Variants in MCM9 observed in about 807,000 individuals in gnomAD.
MCM9 encodes minichromosome maintenance 9 homologous recombination repair factor.
Under a neutral mutation model 72.8 loss-of-function variants are expected in MCM9, and 55 were observed. The observed-to-expected ratio is 0.76, with a 90% CI of 0.61 to 0.95. The LOEUF is 0.95. Ranked by LOEUF, MCM9 falls within the 40% of genes least tolerant of loss-of-function variation. The pLI is 0.00. For missense variants in MCM9, 1,279 were observed against 1,377.0 expected (o/e 0.93, Z 1.13); for synonymous variants, 480 against 503.4 (o/e 0.95, Z 0.62).
At chr6:118,878,718 A>G (rs1293707962) in intron 8 of MCM9, among the ~76,000 whole-genome samples, 3 of 152,036 alleles carry the variant, frequency 2.0e-5, no homozygotes, top group Admixed American at 6.6e-5. Context: ...AAGAAACAAG[A>G]AGGGTATTAA....
chr6:118,842,625 TC>T (rs1775453305), intron 9 of MCM9, among the ~76,000 whole-genome samples: 3 of 152,188 alleles, frequency 2.0e-5, no homozygotes, highest in Admixed American at 2.0e-4. Flanking sequence ...GCTCAAGTGA[TC>T]CTCCAGCCTC....
At chr6:118,822,961 C>G (rs1343329055) in intron 13 of MCM9, among the ~76,000 whole-genome samples, 2 of 152,130 alleles carry the variant, frequency 1.3e-5, no homozygotes, top group African/African-American at 2.4e-5. Context: ...CACTCCTCCC[C>G]CTACAAGCTC....
rs1023029943 is a variant in MCM9 at position 118,822,972 on chromosome 6, G to A, written c.1961+3175C>T. Reference sequence around the variant, plus strand: ...GGGACACTCCTCCCCCTACAAGCTCGATCATCCCAAGTCGACTTCAGAATG... The same window carrying A: ...GGGACACTCCTCCCCCTACAAGCTCAATCATCCCAAGTCGACTTCAGAATG... On this transcript the variant is annotated intron_variant, in intron 13 of 13. Transcript: ENST00000619706. Among the ~76,000 whole-genome samples the A allele has an allele frequency of 5.9e-5, 9 of 152,210 alleles. 1 individual carries two copies. The highest frequency in any genetic ancestry group is 4.1e-4 in the South Asian group (2 of 4,824).
chr6:118,894,339 CCCGAG>C (rs1562426710), intron 8 of MCM9: 8 of 1,530,898 alleles, frequency 5.2e-6, no homozygotes, highest in Non-Finnish European at 7.0e-6. Context: ...TCTGCGCTCT[CCCGAG>C]CGGCCGCGCG....
In MCM9 at chr6:118,816,106, G is replaced by A. The variant is rs951399830; in HGVS notation, c.2150C>T (p.Pro717Leu). The change falls in exon 14 of 14, where the codon CCA (proline) becomes CTA (leucine). Residue 717 changes from proline (P) to leucine (L), a missense_variant. Transcript: ENST00000619706. ...SPEGSPVLDP[P>L]PHLEPNRSTS... ...TGATCTATTAGGCTCCAGATGCGGT[G>A]GGGGATCTAGAACTGGGCTTCCCTC... 4 of 1,550,280 alleles carry A rather than the reference G, an allele frequency of 2.6e-6. No individual in the cohort carries two copies. In the Admixed American group the frequency reaches 7.8e-5, roughly 30 times the overall value.
chr6:118,851,191 T>C (rs1004551965), intron 9 of MCM9, among the ~76,000 whole-genome samples: 4 of 151,740 alleles, frequency 2.6e-5, no homozygotes, highest in Admixed American at 6.6e-5. Context: ...TTAGAAACAT[T>C]TCATTTCAAA....
rs553491848 is a variant in MCM9 at position 118,827,971 on chromosome 6, C to G, written c.1688G>C (p.Arg563Pro). 23 of 1,550,992 alleles carry G rather than the reference C, an allele frequency of 1.5e-5. No individual in the cohort carries two copies. The East Asian group carries it at 5.1e-4, about 35-fold the overall frequency. The change falls in exon 11 of 14, where the codon CGG becomes CCG. Residue 563 changes from arginine to proline, a missense_variant. Arg to Pro is a moderately radical substitution (Grantham distance 103). Transcript: ENST00000619706. ...QRQSDCRNAA[R>P]TTIRLLESLI... ...GCTTTCCAACAGCCGAATGGTGGTCCGGGCAGCGTTCCGGCAATCACTCTG... is the reference window on the plus strand; with the variant it reads ...GCTTTCCAACAGCCGAATGGTGGTCGGGGCAGCGTTCCGGCAATCACTCTG...
intron 9 of MCM9, among the ~76,000 whole-genome samples, chr6:118,831,666 T>A (rs1774573352): frequency 6.6e-6 from 1 of 152,092 alleles, no homozygotes; most frequent in South Asian, 2.1e-4. Flanking sequence ...CACAAATACA[T>A]ACATACAATC....
At chr6:118,916,688 G>C (rs1157111358) in intron 6 of MCM9, among the ~76,000 whole-genome samples, 1 of 151,894 alleles carries the variant, frequency 6.6e-6, no homozygotes, top group Non-Finnish European at 1.5e-5. Context: ...TTTTAATAGA[G>C]ACAGGGTTTC....
chr6:118,864,007 TA>T lies in MCM9; in HGVS notation c.1151-7463del, dbSNP rs538132338. Among the ~76,000 whole-genome samples the T allele has an allele frequency of 1.0e-2, 1,430 of 143,368 alleles. 7 individuals carry two copies. The highest frequency in any genetic ancestry group is 0.013 in the Non-Finnish European group (814 of 64,910). 94.1% of individuals were successfully genotyped at this position (143,368 alleles called of 152,430 possible). ...AAGACAGAGATTGTCAGAATTGATT[TA>T]AAAAAAAAAAAAGACCCAACTATAA... On this transcript the variant is annotated intron_variant, in intron 8 of 13. Transcript: ENST00000619706.
chr6:118,916,226 T>A (rs1469552796), intron 6 of MCM9, among the ~76,000 whole-genome samples: 1 of 151,522 alleles, frequency 6.6e-6, no homozygotes, highest in African/African-American at 2.4e-5. Flanking sequence ...ATTTTAATTT[T>A]AAAAATCATT....
chr6:118,876,796 CAGTA>C (rs1453046948), intron 8 of MCM9, among the ~76,000 whole-genome samples: 1 of 152,040 alleles, frequency 6.6e-6, no homozygotes, highest in Non-Finnish European at 1.5e-5. Flanking sequence ...TTGCAAAACT[CAGTA>C]AGAAGTAAAC....
intron 7 of MCM9, chr6:118,912,577 G>A (rs1780633829): frequency 6.6e-6 from 1 of 152,094 alleles, no homozygotes; most frequent in Non-Finnish European, 1.5e-5. Context: ...AACATATAAG[G>A]ACGCCTTATA....
chr6:118,827,862 C>A, intron 11 of MCM9, 65 bp downstream of exon 11: 1 of 1,458,108 alleles, frequency 6.9e-7, no homozygotes, highest in South Asian at 1.2e-5. Flanking sequence ...ATCCATGGTG[C>A]CAAGCCCCAT....
Position 118,882,065 on chromosome 6 carries a change from T to C in MCM9, c.1151-25520A>G, listed in dbSNP as rs575157496. Among the ~76,000 whole-genome samples, 4 of 152,304 alleles carry C rather than the reference T, an allele frequency of 2.6e-5. No homozygotes were observed. The South Asian group carries it at 8.3e-4, about 32-fold the overall frequency. On this transcript the variant is annotated intron_variant, in intron 8 of 13. Coordinates refer to ENST00000619706, the MANE Select transcript of MCM9 (RefSeq NM_017696.3). Reference sequence around the variant, plus strand: ...GGTGACTGTGGCCAAAAGGTCACGATCTTCCTTCCTCCACCCAATCCCAAC... The same window carrying C: ...GGTGACTGTGGCCAAAAGGTCACGACCTTCCTTCCTCCACCCAATCCCAAC...
At chr6:118,866,078 C>G (rs754088327) in intron 8 of MCM9, among the ~76,000 whole-genome samples, 11 of 152,202 alleles carry the variant, frequency 7.2e-5, no homozygotes, top group Non-Finnish European at 1.2e-4. Flanking sequence ...GATAATCTGG[C>G]TCCTAACTTC....
chr6:118,870,321 GAAACTTGCTTCAATA>G (rs1442424538), intron 8 of MCM9, among the ~76,000 whole-genome samples: 1 of 152,106 alleles, frequency 6.6e-6, no homozygotes, highest in East Asian at 1.9e-4. Flanking sequence ...ACAATGATAT[GAAACTTGCTTCAATA>G]ACAGAAAGGA....
At chr6:118,884,940 T>C (rs1203158447) in intron 8 of MCM9, among the ~76,000 whole-genome samples, 1 of 152,180 alleles carries the variant, frequency 6.6e-6, no homozygotes, top group Non-Finnish European at 1.5e-5. Context: ...CTCACACCTG[T>C]AATCCCAGCA....
intron 9 of MCM9, among the ~76,000 whole-genome samples, chr6:118,834,711 T>C (rs1381292837): frequency 6.6e-6 from 1 of 152,130 alleles, no homozygotes; most frequent in African/African-American, 2.4e-5. Flanking sequence ...TTTTTTTTTT[T>C]CTTATAAATT....
Sources: gnomAD v4.1 joint callset for allele counts (sites outside exome capture counted in the v4.1 genomes callset) on GRCh38, gnomAD v4.1.1 for gene constraint, MANE v1.5 for transcripts, NCBI Gene and HGNC (gene_info 2026-07-23, HGNC 2026-07-21) for gene names.